Variants in TBC1D32 observed in about 807,000 individuals in gnomAD.
TBC1D32 encodes protein broad-minded.
Under a neutral mutation model 170.3 loss-of-function variants are expected in TBC1D32, and 151 were observed. The ratio of observed to expected loss-of-function variants is 0.89; its 90% confidence interval spans 0.78 to 1.01. The LOEUF (loss-of-function observed/expected upper bound fraction) is 1.01. Ranked by LOEUF, TBC1D32 falls within the 50% of genes least tolerant of loss-of-function variation. The probability of loss-of-function intolerance (pLI) is 0.00; values close to 1 mark genes in which losing one functional copy is unlikely to be tolerated. For synonymous variants in TBC1D32, 498 were observed against 488.0 expected, an observed-to-expected ratio of 1.02 and a Z score of -0.27; for missense variants, 1,464 against 1,457.1, an observed-to-expected ratio of 1.00 and a Z score of -0.08.
intron 15 of TBC1D32, among the ~76,000 whole-genome samples, chr6:121,273,782 A>G (rs1801833017): frequency 6.6e-6 from 1 of 152,162 alleles, no homozygotes; most frequent in South Asian, 2.1e-4. Context: ...CTCTTGTGCC[A>G]ATCACCACTG....
intron 9 of TBC1D32, among the ~76,000 whole-genome samples, chr6:121,300,747 C>G (rs764842327): frequency 6.6e-6 from 1 of 152,150 alleles, no homozygotes; most frequent in Non-Finnish European, 1.5e-5. Flanking sequence ...TCAGAGTGAA[C>G]AGGCAGCCTA....
At chr6:121,174,572 G>A (rs895452831) in intron 22 of TBC1D32, among the ~76,000 whole-genome samples, 1 of 152,154 alleles carries the variant, frequency 6.6e-6, no homozygotes, top group African/African-American at 2.4e-5. Context: ...AGACATAGCT[G>A]CAGCAACATT....
At chr6:121,301,107 T>C (rs1014189020) in intron 9 of TBC1D32, among the ~76,000 whole-genome samples, 1 of 152,148 alleles carries the variant, frequency 6.6e-6, no homozygotes, top group Non-Finnish European at 1.5e-5. Flanking sequence ...GTAAATTAGT[T>C]CAACCATTGT....
At chr6:121,081,637 A>G (rs886288681) in intron 31 of TBC1D32, among the ~76,000 whole-genome samples, 1 of 152,098 alleles carries the variant, frequency 6.6e-6, no homozygotes, top group Non-Finnish European at 1.5e-5. Context: ...AAGAATTACT[A>G]TAAGAAGAAG....
chr6:121,307,960 A>G lies in TBC1D32; in HGVS notation c.690+16T>C, dbSNP rs1807581035. The G allele has an allele frequency of 6.2e-7, 1 of 1,604,672 alleles. No individual in the cohort carries two copies. The highest frequency in any genetic ancestry group is 1.7e-5 in the Admixed American group (1 of 57,678). On this transcript the variant is annotated intron_variant, in intron 5 of 31. Coordinates refer to ENST00000398212, the MANE Select transcript of TBC1D32 (RefSeq NM_152730.6). ...AAAACAAATTATTTTTAATATTTCT[A>G]TAACCATTTTCTTACACTAAACACA...
chr6:121,162,635 T>C (rs1205050753), intron 22 of TBC1D32, among the ~76,000 whole-genome samples: 1 of 152,092 alleles, frequency 6.6e-6, no homozygotes, highest in Non-Finnish European at 1.5e-5. Context: ...GACATGATGC[T>C]ATATCTAGAA....
intron 24 of TBC1D32, among the ~76,000 whole-genome samples, chr6:121,141,809 A>AG (rs1562629232): frequency 2.6e-5 from 4 of 152,138 alleles, no homozygotes; most frequent in African/African-American, 7.2e-5. Flanking sequence ...AAAAAAAAAA[A>AG]GTTACAGGAA....
intron 22 of TBC1D32, among the ~76,000 whole-genome samples, chr6:121,190,705 G>T (rs9398623): frequency 0.68 from 103,481 of 151,926 alleles, 40,598 homozygotes; most frequent in Non-Finnish European, 0.87. Flanking sequence ...TAACTCTCTG[G>T]TCTTAATTAC....
intron 14 of TBC1D32, among the ~76,000 whole-genome samples, chr6:121,280,528 G>GA (rs1802836804): frequency 1.3e-5 from 2 of 151,574 alleles, no homozygotes; most frequent in South Asian, 4.2e-4. Context: ...GGAACACAGA[G>GA]AAAAAACCCA....
At chr6:121,272,951 C>A (rs1801685455) in intron 15 of TBC1D32, among the ~76,000 whole-genome samples, 1 of 151,922 alleles carries the variant, frequency 6.6e-6, no homozygotes, top group African/African-American at 2.4e-5. Context: ...GAGTTCATGT[C>A]CTTTGTAGGA....
chr6:121,168,401 T>C (rs905376535), intron 22 of TBC1D32, among the ~76,000 whole-genome samples: 2 of 126,548 alleles, frequency 1.6e-5, no homozygotes, highest in Non-Finnish European at 1.7e-5. Flanking sequence ...GATGAGTTCA[T>C]GTCCTTTGTA....
intron 24 of TBC1D32, among the ~76,000 whole-genome samples, chr6:121,141,522 C>T (rs766722653): frequency 2.6e-5 from 4 of 152,006 alleles, no homozygotes; most frequent in Middle Eastern, 3.2e-3. Flanking sequence ...AAGGAAGATA[C>T]CAAATGGCCA....
intron 30 of TBC1D32, among the ~76,000 whole-genome samples, chr6:121,091,408 TC>T (rs1195456019): frequency 6.6e-6 from 1 of 152,128 alleles, no homozygotes; most frequent in African/African-American, 2.4e-5. Context: ...GTTTTTTTTT[TC>T]TATACTACCT....
intron 1 of TBC1D32, among the ~76,000 whole-genome samples, chr6:121,334,031 C>T (rs1052340264): frequency 1.3e-5 from 2 of 152,150 alleles, no homozygotes; most frequent in African/African-American, 4.8e-5. Context: ...CGAGCCATTA[C>T]ATTCCGGCCT....
intron 15 of TBC1D32, among the ~76,000 whole-genome samples, chr6:121,265,839 A>G (rs561669079): frequency 6.6e-6 from 1 of 152,314 alleles, no homozygotes; most frequent in South Asian, 2.1e-4. Flanking sequence ...ATCCCTATCT[A>G]ATAAATGGTG....
At chr6:121,082,040 C>T (rs940509255) in intron 31 of TBC1D32, among the ~76,000 whole-genome samples, 1 of 152,006 alleles carries the variant, frequency 6.6e-6, no homozygotes, top group African/African-American at 2.4e-5. Context: ...ATGTAAGTAT[C>T]TGAGCTCTAA....
chr6:121,255,478 T>C lies in TBC1D32; in HGVS notation c.1936-68A>G, dbSNP rs373087638. The C allele has an allele frequency of 1.7e-3, 587 of 341,556 alleles. 5 individuals are homozygous for C. The highest frequency in any genetic ancestry group is 0.012 in the African/African-American group (534 of 43,930). 21.2% of individuals were successfully genotyped at this position (341,556 alleles called of 1,614,324 possible). ...TAGCCATATATTTATATTTTATAAT[T>C]ATATTTATAATTATATTTTATAATT... On this transcript the variant is annotated intron_variant, in intron 16 of 31. Transcript: ENST00000398212.
chr6:121,256,354 A>G, intron 15 of TBC1D32, 69 bp from the exon 16 acceptor site: 1 of 1,371,520 alleles, frequency 7.3e-7, no homozygotes. Flanking sequence ...TCTACCAAAA[A>G]GGCTAGTCTT....
intron 22 of TBC1D32, among the ~76,000 whole-genome samples, chr6:121,182,457 T>A (rs1788655858): frequency 6.6e-6 from 1 of 152,042 alleles, no homozygotes; most frequent in Non-Finnish European, 1.5e-5. Context: ...GTATAAAGAT[T>A]CCTGTAAGAT....
Sources: allele counts gnomAD v4.1 joint callset (sites outside exome capture counted in the v4.1 genomes callset), GRCh38; gene constraint gnomAD v4.1.1; transcripts MANE v1.5; gene names NCBI Gene and HGNC (gene_info 2026-07-23, HGNC 2026-07-21).